COMMD1: variants seen among roughly 807,000 people sequenced by gnomAD.
COMMD1 encodes the protein COMM domain-containing protein 1.
In COMMD1, 10 loss-of-function variants were observed where a neutral mutation model predicts 17.2. That is an observed-to-expected ratio of 0.58 (90% confidence interval 0.36 to 0.99). The LOEUF is 0.99. COMMD1 is among the 50% of genes least tolerant of loss of function. COMMD1 has a pLI of 0.01. For synonymous variants in COMMD1, 97 were observed against 91.6 expected (o/e 1.06, Z -0.34); for missense variants, 270 against 231.8 (o/e 1.17, Z -1.07).
upstream of COMMD1, among the ~76,000 whole-genome samples, chr2:61,904,990 A>G (rs1002177628): frequency 1.3e-5 from 2 of 152,194 alleles, no homozygotes; most frequent in African/African-American, 4.8e-5. Flanking sequence ...AGTCTCATTC[A>G]CGTTGTAGCA....
intron 1 of COMMD1, among the ~76,000 whole-genome samples, chr2:61,932,631 A>G (rs10164783): frequency 2.4e-4 from 37 of 152,168 alleles, no homozygotes; most frequent in African/African-American, 8.4e-4. Flanking sequence ...TTTGGGAGGT[A>G]ATTAGGATTA....
At chr2:62,069,064 G>T (rs1200060363) in intron 2 of COMMD1, among the ~76,000 whole-genome samples, 1 of 152,130 alleles carries the variant, frequency 6.6e-6, no homozygotes, top group African/African-American at 2.4e-5. Context: ...TAATATAGAG[G>T]ATTTACGAAA....
upstream of COMMD1, among the ~76,000 whole-genome samples, chr2:61,903,748 G>A (rs570669398): frequency 6.6e-6 from 1 of 151,716 alleles, no homozygotes; most frequent in African/African-American, 2.4e-5. Flanking sequence ...CACCATGTTG[G>A]CCAGGCTGGT....
intron 1 of COMMD1, among the ~76,000 whole-genome samples, chr2:61,906,572 C>T (rs779108984): frequency 7.2e-5 from 11 of 152,102 alleles, no homozygotes; most frequent in Non-Finnish European, 1.5e-4. Context: ...TCAGTAGTCA[C>T]ATATGGCTAA....
chr2:61,895,780 C>T (rs936235244), intron 1 of COMMD1, among the ~76,000 whole-genome samples: 1 of 152,172 alleles, frequency 6.6e-6, no homozygotes, highest in Non-Finnish European at 1.5e-5. Context: ...TAGCAGGAAG[C>T]TTACCAGGAA....
chr2:62,093,356 A>T (rs550511868), intron 2 of COMMD1, among the ~76,000 whole-genome samples: 2 of 152,186 alleles, frequency 1.3e-5, no homozygotes, highest in Non-Finnish European at 2.9e-5. Flanking sequence ...TTGGGCTACC[A>T]TGGGGGATGG....
At chr2:61,925,823 A>G (rs915044857) in intron 1 of COMMD1, among the ~76,000 whole-genome samples, 47 of 152,162 alleles carry the variant, frequency 3.1e-4, no homozygotes, top group Admixed American at 6.6e-4. Flanking sequence ...CTGTGTGGTA[A>G]AGTGTTAGTT....
intron 2 of COMMD1, among the ~76,000 whole-genome samples, chr2:62,037,856 G>A (rs1573100295): frequency 1.3e-5 from 2 of 152,226 alleles, no homozygotes; most frequent in African/African-American, 4.8e-5. Flanking sequence ...GAAGACTTAT[G>A]TTCCAGTTTT....
At chr2:61,955,807 T>A (rs1671183326) in intron 1 of COMMD1, among the ~76,000 whole-genome samples, 1 of 152,168 alleles carries the variant, frequency 6.6e-6, no homozygotes. Flanking sequence ...TGCCTCAGCC[T>A]CCCTAGTAGC....
chr2:62,045,139 G>A (rs1353946360), intron 2 of COMMD1, among the ~76,000 whole-genome samples: 2 of 152,142 alleles, frequency 1.3e-5, no homozygotes, highest in African/African-American at 4.8e-5. Flanking sequence ...TTTGGTGGAT[G>A]GGGGCTAGGG....
intron 2 of COMMD1, among the ~76,000 whole-genome samples, chr2:62,090,076 G>A (rs1016178396): frequency 6.6e-6 from 1 of 152,004 alleles, no homozygotes; most frequent in African/African-American, 2.4e-5. Flanking sequence ...ATGGAGTCAG[G>A]CCTAGGGTTT....
At chr2:61,998,470 G>A (rs1021015252) in intron 1 of COMMD1, among the ~76,000 whole-genome samples, 4 of 152,058 alleles carry the variant, frequency 2.6e-5, no homozygotes, top group African/African-American at 9.7e-5. Flanking sequence ...ATGTTGTCCA[G>A]GCTGGTCTCG....
rs367671115 is a variant in COMMD1 at position 62,125,956 on chromosome 2, G to T, written c.463-9875G>T. ...CCCCCGACAGGCCCCAGTGAATGTT[G>T]TTCCCTCCCTGTGTCCATGTGTTCT... On this transcript the variant is annotated intron_variant, in intron 2 of 2. Transcript: ENST00000311832. 1.1e-3 allele frequency among the ~76,000 whole-genome samples: 171 copies of T among 152,052 alleles called. 3 individuals carry two copies. In the South Asian group the frequency reaches 0.035, roughly 31 times the overall value.
intron 1 of COMMD1, among the ~76,000 whole-genome samples, chr2:61,930,416 C>T (rs954761807): frequency 3.3e-5 from 5 of 151,958 alleles, no homozygotes; most frequent in African/African-American, 1.2e-4. Context: ...ATTAGCCAGG[C>T]GTGGTGGCAC....
chr2:61,917,980 A>T (rs975874245), intron 1 of COMMD1, among the ~76,000 whole-genome samples: 2 of 152,210 alleles, frequency 1.3e-5, no homozygotes, highest in African/African-American at 2.4e-5. Context: ...TTTAGGTTTC[A>T]TTTGTATTCT....
chr2:62,028,184 T>A (rs1438988476), intron 2 of COMMD1, among the ~76,000 whole-genome samples: 5 of 152,190 alleles, frequency 3.3e-5, no homozygotes, highest in East Asian at 1.9e-4. Flanking sequence ...TGGCTTTTTT[T>A]AAGAATCTTT....
intron 1 of COMMD1, among the ~76,000 whole-genome samples, chr2:61,921,980 C>T (rs1264716123): frequency 6.6e-6 from 1 of 151,862 alleles, no homozygotes; most frequent in East Asian, 1.9e-4. Context: ...GTTTTCCTGT[C>T]GATGTATTCT....
intron 2 of COMMD1, among the ~76,000 whole-genome samples, chr2:62,002,868 T>C (rs1171746046): frequency 6.6e-6 from 1 of 151,908 alleles, no homozygotes; most frequent in East Asian, 1.9e-4. Context: ...AATTTAAATA[T>C]GGAATACCTT....
At chr2:61,958,788 G>A (rs557683273) in intron 1 of COMMD1, among the ~76,000 whole-genome samples, 9 of 152,008 alleles carry the variant, frequency 5.9e-5, no homozygotes, top group Admixed American at 5.2e-4. Flanking sequence ...TTTTTTCATA[G>A]TATTTATTTA....
Sources: allele counts gnomAD v4.1 joint callset (sites outside exome capture counted in the v4.1 genomes callset), GRCh38; gene constraint gnomAD v4.1.1; transcripts MANE v1.5; gene names NCBI Gene and HGNC (gene_info 2026-07-23, HGNC 2026-07-21).